Variants in PLPP3 observed in about 807,000 individuals in gnomAD.
PLPP3 encodes the protein PAP2 beta.
Under a neutral mutation model 29.6 loss-of-function variants are expected in PLPP3, and 6 were observed. The observed-to-expected ratio is 0.20, with a 90% confidence interval of 0.11 to 0.40. PLPP3 has a LOEUF of 0.40. PLPP3 is among the 10% of genes least tolerant of loss of function. PLPP3 has a pLI of 1.00. For synonymous variants in PLPP3, 152 were observed against 159.7 expected (o/e 0.95, Z 0.36); for missense variants, 308 against 407.7 (o/e 0.76, Z 2.11).
intron 4 of PLPP3, among the ~76,000 whole-genome samples, chr1:56,513,951 T>C (rs1645763702): frequency 6.6e-6 from 1 of 152,074 alleles, no homozygotes; most frequent in Non-Finnish European, 1.5e-5. Context: ...TAAATACTAT[T>C]AGATTGCCAT....
At chr1:56,572,621 T>C (rs1447909877) in intron 1 of PLPP3, among the ~76,000 whole-genome samples, 1 of 152,164 alleles carries the variant, frequency 6.6e-6, no homozygotes, top group African/African-American at 2.4e-5. Context: ...AACATTTGTG[T>C]CCACTCTGCT....
intron 5 of PLPP3, among the ~76,000 whole-genome samples, chr1:56,502,467 T>A (rs985925421): frequency 2.0e-5 from 3 of 152,238 alleles, no homozygotes; most frequent in African/African-American, 7.2e-5. Context: ...TGGGCCCATC[T>A]AAGACCTACT....
At chr1:56,550,907 G>A (rs1646033726) in intron 1 of PLPP3, among the ~76,000 whole-genome samples, 1 of 152,158 alleles carries the variant, frequency 6.6e-6, no homozygotes, top group Non-Finnish European at 1.5e-5. Context: ...AGAAGTGGAA[G>A]AATCCCCAAC....
chr1:56,524,573 G>A lies in PLPP3; in HGVS notation c.298-19C>T, dbSNP rs1203560999. On this transcript the variant is annotated intron_variant, in intron 2 of 5. Transcript: ENST00000371250. This position sits in a 1 kb window ranked among gnomAD's most constrained non-coding sequence, Gnocchi z 4.3. ...TGATGATCTAAAAGGAATCCAACAGGGGAATTAGGCAGTATCAAGATTCAT... is the reference window on the plus strand; with the variant it reads ...TGATGATCTAAAAGGAATCCAACAGAGGAATTAGGCAGTATCAAGATTCAT... 1 of 1,600,296 alleles carries A rather than the reference G, an allele frequency of 6.2e-7. No homozygotes were observed. The highest frequency in any genetic ancestry group is 8.6e-7 in the Non-Finnish European group (1 of 1,168,556).
In PLPP3 at chr1:56,524,630, C is replaced by A; in HGVS notation, c.298-76G>T. 6.8e-7 allele frequency: 1 copy of A among 1,477,974 alleles called. No individual in the cohort carries two copies. The highest frequency in any genetic ancestry group is 9.3e-7 in the Non-Finnish European group (1 of 1,076,256). The allele number at this position is 1,477,974 out of a possible 1,614,324, so 91.6% of individuals were successfully genotyped here. ...CACTGATGCCGTAACGGATATTCAA[C>A]AACACAGGAGAATATTCAGTATTTG... On this transcript the variant is annotated intron_variant, in intron 2 of 5. Transcript: ENST00000371250. The surrounding 1 kb of genome is among the most constrained non-coding windows in gnomAD (Gnocchi z 4.3).
At chr1:56,576,016 G>C (rs1278746436) in intron 1 of PLPP3, among the ~76,000 whole-genome samples, 2 of 152,138 alleles carry the variant, frequency 1.3e-5, no homozygotes, top group African/African-American at 4.8e-5. Context: ...GGTAAAGATA[G>C]CTGTCCAATG....
Position 56,523,739 on chromosome 1 carries a change from C to G in PLPP3, c.633+84G>C, listed in dbSNP as rs995151973. The G allele has an allele frequency of 1.3e-5, 19 of 1,433,248 alleles. No individual in the cohort carries two copies. In the African/African-American group the frequency reaches 2.7e-4, roughly 20 times the overall value. The allele number at this position is 1,433,248 out of a possible 1,614,324, so 88.8% of individuals were successfully genotyped here. On this transcript the variant is annotated intron_variant, in intron 4 of 5. Coordinates refer to ENST00000371250, the MANE Select transcript of PLPP3 (RefSeq NM_003713.5). Reference sequence around the variant, plus strand: ...CAAGGATTTCACAGTGATGGCATGCCCCTAAACTATTTTGAGGGCTATCAT... The same window carrying G: ...CAAGGATTTCACAGTGATGGCATGCGCCTAAACTATTTTGAGGGCTATCAT...
Position 56,524,696 on chromosome 1 carries a change from C to A in PLPP3, c.298-142G>T. On this transcript the variant is annotated intron_variant, in intron 2 of 5. Coordinates refer to ENST00000371250, the MANE Select transcript of PLPP3 (RefSeq NM_003713.5). This position sits in a 1 kb window ranked among gnomAD's most constrained non-coding sequence, Gnocchi z 4.3. ...ATTTTCTATTTATGAAATATACAGA[C>A]ACAAATATGCACAGAAGAAAAGATC... 1.0e-6 allele frequency: 1 copy of A among 998,658 alleles called. No individual in the cohort carries two copies. The highest frequency in any genetic ancestry group is 1.5e-6 in the Non-Finnish European group (1 of 689,296). The allele number at this position is 998,658 out of a possible 1,614,324, so 61.9% of individuals were successfully genotyped here.
rs1395266209 is a variant in PLPP3 at position 56,496,314 on chromosome 1, C to A, written c.*237G>T. ...AGCTGTGTTCACTAGAACATGAACA[C>A]TTAAACCAATTGCACATCCAGGACT... On this transcript the variant is annotated 3_prime_UTR_variant, in exon 6 of 6. Transcript: ENST00000371250. 1 of 420,912 alleles carries A rather than the reference C, an allele frequency of 2.4e-6. No homozygotes were observed. Among genetic ancestry groups the A allele is most frequent in the Non-Finnish European group, 4.4e-6 (1 of 227,868 alleles). 26.1% of individuals were successfully genotyped at this position (420,912 alleles called of 1,614,324 possible).
At chr1:56,558,951 C>T (rs562734649) in intron 1 of PLPP3, among the ~76,000 whole-genome samples, 2 of 152,214 alleles carry the variant, frequency 1.3e-5, no homozygotes, top group African/African-American at 4.8e-5. Context: ...GTCTTTTATA[C>T]TTGATGACCT....
At chr1:56,512,214 C>T (rs887648869) in intron 4 of PLPP3, 62 bp from the exon 5 acceptor site, 1 of 1,386,020 alleles carries the variant, frequency 7.2e-7, no homozygotes, top group Non-Finnish European at 9.6e-7. Flanking sequence ...TGCACTATAA[C>T]CCCAGGTGAC....
chr1:56,518,195 C>G (rs1165674407), intron 4 of PLPP3, among the ~76,000 whole-genome samples: 1 of 152,166 alleles, frequency 6.6e-6, no homozygotes, highest in Non-Finnish European at 1.5e-5. Flanking sequence ...TTGGAAACAA[C>G]AATCTTGCTC....
chr1:56,529,111 T>A (rs1018233236), intron 2 of PLPP3, among the ~76,000 whole-genome samples: 2 of 152,024 alleles, frequency 1.3e-5, no homozygotes, highest in African/African-American at 4.8e-5. Context: ...CACTTTCACA[T>A]CCACTATACT....
chr1:56,550,376 T>C (rs985045715), intron 1 of PLPP3, among the ~76,000 whole-genome samples: 1 of 152,172 alleles, frequency 6.6e-6, no homozygotes, highest in African/African-American at 2.4e-5. Flanking sequence ...TGCTGGGTAA[T>C]GCATTTTTCA....
chr1:56,579,148 C>G lies in PLPP3; in HGVS notation c.-132G>C, dbSNP rs1646259514. ...GGCGGGTCGGCCCCGGCTCCGGGCGCGGCGGCTAGAGTGCAGCCGGGGCTG... is the reference window on the plus strand; with the variant it reads ...GGCGGGTCGGCCCCGGCTCCGGGCGGGGCGGCTAGAGTGCAGCCGGGGCTG... On this transcript the variant is annotated 5_prime_UTR_variant, in exon 1 of 6. Transcript: ENST00000371250. 3 of 1,294,136 alleles carry G rather than the reference C, an allele frequency of 2.3e-6. No individual in the cohort carries two copies. The highest frequency in any genetic ancestry group is 3.1e-5 in the African/African-American group (2 of 63,592). The allele number at this position is 1,294,136 out of a possible 1,614,324, so 80.2% of individuals were successfully genotyped here. A position where few individuals can be genotyped will look rare whatever the true frequency, so the allele number is the denominator to read the frequency against.
intron 4 of PLPP3, among the ~76,000 whole-genome samples, chr1:56,514,149 T>C (rs1029594661): frequency 2.6e-5 from 4 of 152,132 alleles, no homozygotes; most frequent in South Asian, 4.1e-4. Flanking sequence ...TCCTGACATA[T>C]AGAGCAGACA....
chr1:56,538,335 A>G (rs1234366889), intron 1 of PLPP3: 1 of 241,582 alleles, frequency 4.1e-6, no homozygotes, highest in Non-Finnish European at 8.3e-6. Flanking sequence ...ACCAAGCTCC[A>G]ATGACACTTC....
chr1:56,572,045 T>TTG (rs1175074540), intron 1 of PLPP3, among the ~76,000 whole-genome samples: 22 of 126,004 alleles, frequency 1.7e-4, no homozygotes, highest in African/African-American at 3.6e-4. Flanking sequence ...CATTTCTGGT[T>TTG]TTTTTTTTTT....
chr1:56,565,155 G>A (rs1646152855), intron 1 of PLPP3, among the ~76,000 whole-genome samples: 1 of 152,190 alleles, frequency 6.6e-6, no homozygotes. Context: ...GACGCATTCT[G>A]CCACTTCCTG....
Sources: allele counts gnomAD v4.1 joint callset (sites outside exome capture counted in the v4.1 genomes callset), GRCh38; gene constraint gnomAD v4.1.1; non-coding constraint Gnocchi (gnomAD v3.1); transcripts MANE v1.5; gene names NCBI Gene and HGNC (gene_info 2026-07-23, HGNC 2026-07-21).